Variants in TMEM68 observed in about 807,000 individuals in gnomAD.
TMEM68 encodes transmembrane protein 68, also known as DGAT1/2-independent enzyme synthesizing storage lipids.
In TMEM68, 25 loss-of-function variants were observed where a neutral mutation model predicts 36.9. The ratio of observed to expected loss-of-function variants is 0.68; its 90% CI spans 0.49 to 0.95. TMEM68 has a LOEUF of 0.95. Among genes scored for constraint, TMEM68 ranks in the 40% least tolerant of loss-of-function variants. The pLI is 0.00. For synonymous variants in TMEM68, 131 were observed against 124.4 expected (o/e 1.05, Z -0.35); for missense variants, 333 against 392.0 (o/e 0.85, Z 1.27).
At position 55,751,068 on chromosome 8, in the gene TMEM68, T is replaced by C. The variant is rs1410946272; in HGVS notation, c.583A>G (p.Ile195Val). The C allele has an allele frequency of 1.9e-6, 3 of 1,614,148 alleles. No homozygotes were observed. The highest frequency in any genetic ancestry group is 2.5e-6 in the Non-Finnish European group (3 of 1,180,020). Residue 195 changes from isoleucine (I) to valine (V), a missense_variant, in exon 5 of 8, where the codon ATC (isoleucine) becomes GTC (valine). Transcript: ENST00000434581. ...GCTTCTCGAACTCCACCTGGTGAGA[T>C]AGCTAACAAGTGGCCACTCCTCAGA... ...EILRSGHLLA[I>V]SPGGVREALI...
chr8:55,772,085 A>G (rs1811191054), intron 1 of TMEM68, among the ~76,000 whole-genome samples: 1 of 152,122 alleles, frequency 6.6e-6, no homozygotes, highest in South Asian at 2.1e-4. Flanking sequence ...CTGCACATCT[A>G]TACTGGTATA....
chr8:55,762,310 A>C, intron 3 of TMEM68: 1 of 338,602 alleles, frequency 3.0e-6, no homozygotes. Flanking sequence ...ATGCTAAATA[A>C]TTGAAGCATT....
intron 4 of TMEM68, among the ~76,000 whole-genome samples, chr8:55,754,466 T>TATATATATAC (rs1346601089): frequency 8.4e-6 from 1 of 118,958 alleles, no homozygotes; most frequent in African/African-American, 3.6e-5. Flanking sequence ...TATATATATA[T>TATATATATAC]ACACACACAC....
chr8:55,771,565 C>T (rs1016666662), intron 1 of TMEM68, among the ~76,000 whole-genome samples: 25 of 151,994 alleles, frequency 1.6e-4, no homozygotes, highest in African/African-American at 6.0e-4. Flanking sequence ...TGCTGTGAGC[C>T]GCGATCGCGC....
rs1342301898 is a variant in TMEM68 at position 55,750,945 on chromosome 8, T to C, written c.687+19A>G. 3 of 1,589,092 alleles carry C rather than the reference T, an allele frequency of 1.9e-6. No homozygotes were observed. The highest frequency in any genetic ancestry group is 2.2e-5 in the East Asian group (1 of 44,648). On this transcript the variant is annotated intron_variant, in intron 5 of 7. Transcript: ENST00000434581. ...ATTTGACTAAGCTTTACTTCAATAATTAATTTTATATAACTCACCACTTTT... is the reference window on the plus strand; with the variant it reads ...ATTTGACTAAGCTTTACTTCAATAACTAATTTTATATAACTCACCACTTTT...
chr8:55,764,688 G>T (rs1810910456), intron 1 of TMEM68, among the ~76,000 whole-genome samples: 1 of 152,144 alleles, frequency 6.6e-6, no homozygotes, highest in Non-Finnish European at 1.5e-5. Context: ...GAGAAATCTG[G>T]TCTGTTATGG....
intron 4 of TMEM68, among the ~76,000 whole-genome samples, chr8:55,754,634 T>C (rs1468712605): frequency 7.6e-6 from 1 of 131,104 alleles, no homozygotes; most frequent in Non-Finnish European, 1.5e-5. Context: ...ATACATACAT[T>C]ATATAATATA....
chr8:55,758,031 A>G lies in TMEM68; in HGVS notation c.326-1620T>C, dbSNP rs115211873. 9.2e-3 allele frequency among the ~76,000 whole-genome samples: 1,398 copies of G among 152,276 alleles called. 26 individuals carry two copies. The highest frequency in any genetic ancestry group is 0.032 in the African/African-American group (1,337 of 41,542). ...GAACAAGGGGTGTGAGGAGTCCCCA[A>G]GTACCCCCATGTGGAGTTATAAGCA... On this transcript the variant is annotated intron_variant, in intron 3 of 7. Transcript: ENST00000434581.
chr8:55,773,325 T>C lies in TMEM68; in HGVS notation c.-171A>G, dbSNP rs2130074383. The C allele has an allele frequency of 3.5e-6, 1 of 289,588 alleles. No individual in the cohort carries two copies. Among genetic ancestry groups the C allele is most frequent in the African/African-American group, 2.2e-5 (1 of 45,642 alleles). 17.9% of individuals were successfully genotyped at this position (289,588 alleles called of 1,614,324 possible). The stretch of plus-strand genomic sequence containing the variant: ...TCAGTGGCCAAGGGGGCGGACAGAT[T>C]TGCACGGCGGATTCCTCCGAAGCAA... On this transcript the variant is annotated 5_prime_UTR_variant, in exon 1 of 8. Coordinates refer to ENST00000434581, the MANE Select transcript of TMEM68 (RefSeq NM_001286657.2).
chr8:55,762,129 G>C (rs1810811937), intron 3 of TMEM68: 1 of 152,516 alleles, frequency 6.6e-6, no homozygotes, highest in African/African-American at 2.4e-5. Flanking sequence ...CTATCCTGGA[G>C]AGAAATCTAT....
chr8:55,755,036 C>T (rs1049227088), intron 4 of TMEM68, among the ~76,000 whole-genome samples: 2 of 148,580 alleles, frequency 1.3e-5, no homozygotes, highest in Non-Finnish European at 3.0e-5. Flanking sequence ...CAGTGGCTCG[C>T]ACTTGTAATC....
At chr8:55,767,793 C>T (rs1417294294) in intron 1 of TMEM68, among the ~76,000 whole-genome samples, 6 of 152,156 alleles carry the variant, frequency 3.9e-5, no homozygotes, top group South Asian at 2.1e-4. Context: ...CAAAATTAGC[C>T]GGGCGTGGTG....
Position 55,758,041 on chromosome 8 carries a change from T to G in TMEM68, c.326-1630A>C, listed in dbSNP as rs935749704. On this transcript the variant is annotated intron_variant, in intron 3 of 7. Coordinates refer to ENST00000434581, the MANE Select transcript of TMEM68 (RefSeq NM_001286657.2). ...TGTGAGGAGTCCCCAAGTACCCCCA[T>G]GTGGAGTTATAAGCAAAGGCGACCT... Among the ~76,000 whole-genome samples the G allele has an allele frequency of 2.6e-5, 4 of 151,902 alleles. No homozygotes were observed. In the South Asian group the frequency reaches 8.3e-4, roughly 32 times the overall value.
At chr8:55,754,325 T>G (rs1181438599) in intron 4 of TMEM68, among the ~76,000 whole-genome samples, 1 of 150,672 alleles carries the variant, frequency 6.6e-6, no homozygotes, top group East Asian at 1.9e-4. Context: ...CTTGGGAGGC[T>G]GAGGTACAAG....
At chr8:55,746,450 C>T (rs1810282026) in intron 5 of TMEM68, 1 of 147,294 alleles carries the variant, frequency 6.8e-6, no homozygotes, top group African/African-American at 2.5e-5. Flanking sequence ...ACCTTAAATA[C>T]ATATAAAATA....
chr8:55,754,780 T>TATTTA, intron 4 of TMEM68, among the ~76,000 whole-genome samples: 1 of 81,746 alleles, frequency 1.2e-5, no homozygotes, highest in African/African-American at 4.6e-5. Flanking sequence ...TATATTTATA[T>TATTTA]TATATATAAA....
rs554938842 is a variant in TMEM68 at position 55,769,434 on chromosome 8, G to C, written c.-115+3835C>G. ...TGTAGGAGAGGAGATAATTGTTAGA[G>C]CTCTGTCCTTGACTAGGCCAAAGGG... On this transcript the variant is annotated intron_variant, in intron 1 of 7. Transcript: ENST00000434581. 2.6e-5 allele frequency among the ~76,000 whole-genome samples: 4 copies of C among 152,040 alleles called. No individual in the cohort carries two copies. In the South Asian group the frequency reaches 8.3e-4, roughly 32 times the overall value.
intron 3 of TMEM68, among the ~76,000 whole-genome samples, chr8:55,759,532 C>G (rs776731818): frequency 3.9e-5 from 6 of 151,942 alleles, no homozygotes; most frequent in Non-Finnish European, 8.8e-5. Context: ...GCTCACACCA[C>G]TGCACTCCAG....
rs536717640 is a variant in TMEM68, at chr8:55,766,622, C to T, written c.-114-2642G>A. Among the ~76,000 whole-genome samples the T allele has an allele frequency of 3.9e-5, 6 of 152,028 alleles. No individual in the cohort carries two copies. The South Asian group carries it at 6.2e-4, about 16-fold the overall frequency. ...CGATCTCCTGAACTTGTGATCCGCC[C>T]GCCTCGGCCTCCCAAAGTGCTGGGA... On this transcript the variant is annotated intron_variant, in intron 1 of 7. Transcript: ENST00000434581.
Sources: allele counts gnomAD v4.1 joint callset (sites outside exome capture counted in the v4.1 genomes callset), GRCh38; gene constraint gnomAD v4.1.1; transcripts MANE v1.5; gene names NCBI Gene and HGNC (gene_info 2026-07-23, HGNC 2026-07-21).